The following MTDH variants were observed in gnomAD, a reference collection of about 807,000 sequenced individuals.
The protein encoded by MTDH is protein LYRIC.
MTDH carries 34 observed loss-of-function variants against 72.7 expected under a neutral mutation model. The ratio of observed to expected loss-of-function variants is 0.47; its 90% confidence interval spans 0.36 to 0.62. The LOEUF (loss-of-function observed/expected upper bound fraction) is 0.62, where lower values mean the gene tolerates loss of function less well. Among genes scored for constraint, MTDH ranks in the 20% least tolerant of loss-of-function variants. MTDH has a pLI of 0.00. For missense variants in MTDH, 677 were observed against 699.4 expected, an observed-to-expected ratio of 0.97 and a Z score of 0.36; for synonymous variants, 266 against 268.9, an observed-to-expected ratio of 0.99 and a Z score of 0.10.
At position 97,690,520 on chromosome 8, in the gene MTDH, G is replaced by T. The variant is rs550090385; in HGVS notation, c.812-432G>T. On this transcript the variant is annotated intron_variant, in intron 5 of 11. Transcript: ENST00000336273. The stretch of plus-strand genomic sequence containing the variant: ...AATGATACCTGGGCTCCACCACAAA[G>T]ATTCAGATTTTAATTGGTCTGGGCT... Among the ~76,000 whole-genome samples, 4 of 152,274 alleles carry T rather than the reference G, an allele frequency of 2.6e-5. 1 individual carries two copies. The South Asian group carries it at 8.3e-4, about 32-fold the overall frequency.
intron 8 of MTDH, among the ~76,000 whole-genome samples, chr8:97,707,637 T>C (rs761081704): frequency 3.3e-5 from 5 of 151,982 alleles, no homozygotes; most frequent in Non-Finnish European, 7.4e-5. Context: ...TAGCCATAGA[T>C]GATATGGAAA....
intron 2 of MTDH, among the ~76,000 whole-genome samples, chr8:97,676,128 C>T (rs1563537630): frequency 6.6e-6 from 1 of 151,990 alleles, no homozygotes; most frequent in Non-Finnish European, 1.5e-5. Flanking sequence ...TTTGTAAAGA[C>T]AGGGTCTCAC....
chr8:97,700,376 A>G (rs1011974565), intron 7 of MTDH, among the ~76,000 whole-genome samples: 5 of 152,170 alleles, frequency 3.3e-5, no homozygotes, highest in African/African-American at 9.7e-5. Context: ...CTAAATCTCA[A>G]AATGTACTTT....
At chr8:97,664,241 A>AG (rs1488903958) in intron 2 of MTDH, among the ~76,000 whole-genome samples, 1 of 97,772 alleles carries the variant, frequency 1.0e-5, no homozygotes, top group Non-Finnish European at 2.5e-5. Context: ...CTGTAGTCCC[A>AG]GCTACTCGGG....
At chr8:97,717,242 A>T (rs1369626718) in intron 9 of MTDH, among the ~76,000 whole-genome samples, 2 of 152,242 alleles carry the variant, frequency 1.3e-5, no homozygotes, top group East Asian at 3.8e-4. Flanking sequence ...CATTAAGATC[A>T]TCTTAGCCAT....
At chr8:97,653,185 A>G (rs1563520627) in intron 1 of MTDH, among the ~76,000 whole-genome samples, 1 of 152,214 alleles carries the variant, frequency 6.6e-6, no homozygotes, top group Non-Finnish European at 1.5e-5. Context: ...TAAAACAAAT[A>G]TTCATGATTT....
intron 2 of MTDH, among the ~76,000 whole-genome samples, chr8:97,670,790 T>C (rs1812580217): frequency 6.6e-6 from 1 of 152,016 alleles, no homozygotes; most frequent in Non-Finnish European, 1.5e-5. Context: ...ATGAGCTCTC[T>C]CTGTTGCCCA....
intron 7 of MTDH, among the ~76,000 whole-genome samples, chr8:97,701,914 C>T (rs914982010): frequency 6.6e-6 from 1 of 152,174 alleles, no homozygotes; most frequent in Admixed American, 6.5e-5. Flanking sequence ...CACCATCTTC[C>T]TCAAGTTTGT....
At position 97,688,649 on chromosome 8, in the gene MTDH, T is replaced by C. The variant is rs527358810; in HGVS notation, c.746-389T>C. Reference sequence around the variant, plus strand: ...ACTGGCAAAGTTCTTCATAAGGTGATGTGTTTGCTTCCAGGATTGTTGAAA... The same window carrying C: ...ACTGGCAAAGTTCTTCATAAGGTGACGTGTTTGCTTCCAGGATTGTTGAAA... On this transcript the variant is annotated intron_variant, in intron 4 of 11. Coordinates refer to ENST00000336273, the MANE Select transcript of MTDH (RefSeq NM_178812.4). Among the ~76,000 whole-genome samples the C allele has an allele frequency of 9.8e-5, 15 of 152,328 alleles. No individual in the cohort carries two copies. The South Asian group carries it at 1.9e-3, about 19-fold the overall frequency.
chr8:97,687,255 A>G (rs1813403734), intron 3 of MTDH, among the ~76,000 whole-genome samples, 174 bp from the exon 4 acceptor site: 1 of 152,182 alleles, frequency 6.6e-6, no homozygotes. Flanking sequence ...AAACAACATA[A>G]TGAAATTAGA....
At chr8:97,661,035 C>A (rs773943461) in intron 1 of MTDH, 37 bp from the exon 2 acceptor site, 4 of 1,511,016 alleles carry the variant, frequency 2.6e-6, no homozygotes, top group Non-Finnish European at 1.8e-6. Flanking sequence ...ATCTGCTAAG[C>A]AGTTTGATAA....
At chr8:97,681,473 T>A (rs931212399) in intron 2 of MTDH, among the ~76,000 whole-genome samples, 1 of 150,608 alleles carries the variant, frequency 6.6e-6, no homozygotes, top group East Asian at 1.9e-4. Flanking sequence ...AGGAAACTCT[T>A]GAAGATAAGA....
chr8:97,644,517 GGAGCTGGCAGGAC>G lies in MTDH; in HGVS notation c.20_32del (p.Gln7ProfsTer19). 1 of 1,584,434 alleles carries G rather than the reference GGAGCTGGCAGGAC, an allele frequency of 6.3e-7. No homozygotes were observed. Among genetic ancestry groups the G allele is most frequent in the Non-Finnish European group, 8.5e-7 (1 of 1,171,542 alleles). On this transcript the variant is annotated frameshift_variant, in exon 1 of 12. Coordinates refer to ENST00000336273, the MANE Select transcript of MTDH (RefSeq NM_178812.4). LOFTEE classifies it high-confidence loss of function. ...CTGACGGGAGGGAAGATGGCTGCAC[GGAGCTGGCAGGAC>G]GAGCTGGCCCAGCAGGCCGAGGAGG...
intron 1 of MTDH, among the ~76,000 whole-genome samples, chr8:97,651,378 C>G (rs1327655519): frequency 1.3e-5 from 2 of 152,200 alleles, no homozygotes; most frequent in African/African-American, 4.8e-5. Context: ...TGCTCAGCAG[C>G]ACTTCAGCAC....
rs1815387347 is a variant in MTDH at position 97,727,148 on chromosome 8, A to G, written c.*2478A>G. 1 of 152,088 alleles carries G rather than the reference A, an allele frequency of 6.6e-6. No homozygotes were observed. The highest frequency in any genetic ancestry group is 6.6e-5 in the Admixed American group (1 of 15,262). 9.4% of individuals were successfully genotyped at this position (152,088 alleles called of 1,614,324 possible). ...ATTCTCTTTCACATGCATGAGGTGCAAACTCTGTCACAAAGTATTTTAATT... is the reference window on the plus strand; with the variant it reads ...ATTCTCTTTCACATGCATGAGGTGCGAACTCTGTCACAAAGTATTTTAATT... On this transcript the variant is annotated 3_prime_UTR_variant, in exon 12 of 12. Transcript: ENST00000336273.
chr8:97,667,569 C>T (rs1024946612), intron 2 of MTDH, among the ~76,000 whole-genome samples: 4 of 152,014 alleles, frequency 2.6e-5, no homozygotes, highest in African/African-American at 7.3e-5. Flanking sequence ...ATAGACAAGC[C>T]GTGATTATTC....
At chr8:97,682,413 C>G (rs1412704775) in intron 2 of MTDH, among the ~76,000 whole-genome samples, 5 of 145,624 alleles carry the variant, frequency 3.4e-5, no homozygotes, top group Admixed American at 7.0e-5. Flanking sequence ...ATTCTCCTGC[C>G]TCAGCCTCCC....
rs369416962 is a variant in MTDH, at chr8:97,690,983, C to T, written c.843C>T (p.Val281=). 9 of 1,613,394 alleles carry T rather than the reference C, an allele frequency of 5.6e-6. No homozygotes were observed. The highest frequency in any genetic ancestry group is 1.3e-5 in the African/African-American group (1 of 74,910). ...VSSGLNENLT[V]NGGGWNEKSV... is the part of the protein sequence containing the mutation. ...CAGGATTGAATGAAAACCTCACTGT[C>T]AATGGAGGAGGCTGGAATGAAAAGT... The change falls in exon 6 of 12, where the codon GTC becomes GTT. Residue 281 remains valine (V), a synonymous_variant. Coordinates refer to ENST00000336273, the MANE Select transcript of MTDH (RefSeq NM_178812.4).
At chr8:97,694,260 C>T (rs1563551952) in intron 6 of MTDH, among the ~76,000 whole-genome samples, 2 of 151,432 alleles carry the variant, frequency 1.3e-5, no homozygotes, top group Admixed American at 6.6e-5. Flanking sequence ...TGCAATGGCA[C>T]GATCTCGGCT....
Sources: gnomAD v4.1 joint callset for allele counts (sites outside exome capture counted in the v4.1 genomes callset) on GRCh38, gnomAD v4.1.1 for gene constraint, MANE v1.5 for transcripts, NCBI Gene and HGNC (gene_info 2026-07-23, HGNC 2026-07-21) for gene names.